Variants in EEF2K observed in about 807,000 individuals in gnomAD.
EEF2K encodes the protein eukaryotic elongation factor 2 kinase, also known as alternative protein EEF2K.
Under a neutral mutation model 93.8 loss-of-function variants are expected in EEF2K, and 70 were observed. The observed-to-expected ratio is 0.75, with a 90% CI of 0.62 to 0.91. The LOEUF (loss-of-function observed/expected upper bound fraction) is 0.91. EEF2K is among the 40% of genes least tolerant of loss of function. The pLI, the probability that EEF2K is intolerant of heterozygous loss-of-function variation, is 0.00. For missense variants in EEF2K, 935 were observed against 972.9 expected, an observed-to-expected ratio of 0.96 and a Z score of 0.52; for synonymous variants, 376 against 380.8, an observed-to-expected ratio of 0.99 and a Z score of 0.15.
intron 4 of EEF2K, among the ~76,000 whole-genome samples, chr16:22,249,521 T>C (rs1316464497): frequency 6.6e-6 from 1 of 152,104 alleles, no homozygotes; most frequent in Non-Finnish European, 1.5e-5. Flanking sequence ...ACTCCTCCCA[T>C]ACCCACAGGG....
intron 2 of EEF2K, among the ~76,000 whole-genome samples, chr16:22,233,760 C>T (rs1052569206): frequency 6.6e-6 from 1 of 152,120 alleles, no homozygotes; most frequent in South Asian, 2.1e-4. Context: ...ACATAGATCA[C>T]CTTATTTAAA....
At chr16:22,221,704 TTTAC>T (rs1404401336) in intron 1 of EEF2K, among the ~76,000 whole-genome samples, 2 of 152,180 alleles carry the variant, frequency 1.3e-5, no homozygotes, top group Non-Finnish European at 1.5e-5. Context: ...TTTAAACTAA[TTTAC>T]TTACTATTTT....
rs57073413 is a variant in EEF2K at position 22,247,037 on chromosome 16, C to CAAA, written c.348-1690_348-1688dup. ...TGGGTGACAGAGCGAGACTCCATCTCAAAAAAAAAAAAAAAAAAAAAAAAA... is the reference window on the plus strand; with the variant it reads ...TGGGTGACAGAGCGAGACTCCATCTCAAAAAAAAAAAAAAAAAAAAAAAAAAAA... On this transcript the variant is annotated intron_variant, in intron 3 of 17. Transcript: ENST00000263026. Among the ~76,000 whole-genome samples, 26 of 13,698 alleles carry CAAA rather than the reference C, an allele frequency of 1.9e-3. 1 individual carries two copies. Among genetic ancestry groups the CAAA allele is most frequent in the East Asian group, 7.3e-3 (4 of 550 alleles). The allele number at this position is 13,698 out of a possible 152,430, so 9.0% of individuals were successfully genotyped here.
chr16:22,242,834 G>A (rs1027372207), intron 2 of EEF2K, among the ~76,000 whole-genome samples: 8 of 152,098 alleles, frequency 5.3e-5, no homozygotes, highest in Admixed American at 3.9e-4. Context: ...TATGTTATGT[G>A]TAAAGGCGGC....
chr16:22,219,297 C>A (rs2046990117), intron 1 of EEF2K, among the ~76,000 whole-genome samples: 2 of 152,278 alleles, frequency 1.3e-5, no homozygotes, highest in Admixed American at 6.5e-5. Flanking sequence ...CCACAGTTTT[C>A]CCAGGTTGAC....
intron 2 of EEF2K, among the ~76,000 whole-genome samples, chr16:22,228,097 T>C (rs530594672): frequency 8.0e-6 from 1 of 125,750 alleles, no homozygotes; most frequent in South Asian, 2.7e-4. Context: ...CACTGCAACC[T>C]CCACCTCCCA....
chr16:22,267,250 G>A (rs1355163255), intron 15 of EEF2K, among the ~76,000 whole-genome samples: 1 of 152,172 alleles, frequency 6.6e-6, no homozygotes, highest in East Asian at 1.9e-4. Context: ...GCTGGGGCCT[G>A]GCACTGAGTA....
chr16:22,257,865 C>T (rs2047423003), intron 9 of EEF2K, 95 bp downstream of exon 9: 1 of 1,518,454 alleles, frequency 6.6e-7, no homozygotes, highest in East Asian at 2.3e-5. Context: ...CCAGGTCAAG[C>T]AGTGCTTAAC....
chr16:22,283,911 A>G lies in EEF2K; in HGVS notation c.2093A>G (p.Glu698Gly). The G allele has an allele frequency of 6.3e-7, 1 of 1,599,606 alleles. No individual in the cohort carries two copies. The highest frequency in any genetic ancestry group is 8.5e-7 in the Non-Finnish European group (1 of 1,173,318). Residue 698 changes from glutamate to glycine, a missense_variant, in exon 18 of 18, where the codon GAG (glutamate) becomes GGG (glycine). Physicochemically the swap from Glu to Gly is moderately conservative, Grantham distance 98. Coordinates refer to ENST00000263026, the MANE Select transcript of EEF2K (RefSeq NM_013302.5). The part of the protein sequence containing the change: ...RSGDLYTQAA[E>G]AAMEAMKGRL... The stretch of plus-strand genomic sequence containing the variant: ...GGGGACTTGTATACCCAGGCAGCAG[A>G]GGCAGCGATGGAAGCCATGAAGGGC...
chr16:22,266,802 C>G lies in EEF2K; in HGVS notation c.1690C>G (p.Leu564Val), dbSNP rs2047527661. 1 of 1,614,222 alleles carries G rather than the reference C, an allele frequency of 6.2e-7. No homozygotes were observed. Among genetic ancestry groups the G allele is most frequent in the Non-Finnish European group, 8.5e-7 (1 of 1,180,042 alleles). ...HLEHAANLGE[L>V]EAIVGLGLMY... ...GGAGCACGCAGCCAACCTGGGCGAG[C>G]TGGAGGCCATCGTGGGCCTGGGACT... The change falls in exon 15 of 18, where the codon CTG (leucine) becomes GTG (valine). Residue 564 changes from leucine (L) to valine (V), a missense_variant. By Grantham distance (32) the Leu-to-Val change is conservative. Coordinates refer to ENST00000263026, the MANE Select transcript of EEF2K (RefSeq NM_013302.5).
intron 2 of EEF2K, among the ~76,000 whole-genome samples, chr16:22,233,712 G>T (rs1443654101): frequency 2.0e-5 from 3 of 152,052 alleles, no homozygotes; most frequent in African/African-American, 7.2e-5. Flanking sequence ...ATATTTTCCT[G>T]ATCTGAGAAT....
At chr16:22,273,194 T>C (rs1325299566) in intron 15 of EEF2K, among the ~76,000 whole-genome samples, 2 of 152,214 alleles carry the variant, frequency 1.3e-5, no homozygotes, top group East Asian at 1.9e-4. Context: ...GGCAGTGTGC[T>C]GAGATTAGCA....
At chr16:22,225,241 G>A (rs1487538862) in intron 1 of EEF2K, among the ~76,000 whole-genome samples, 1 of 152,176 alleles carries the variant, frequency 6.6e-6, no homozygotes, top group East Asian at 1.9e-4. Flanking sequence ...GCCAGGGCCG[G>A]AGGAGAAGTG....
intron 16 of EEF2K, among the ~76,000 whole-genome samples, chr16:22,279,443 TAGTA>T (rs138137116): frequency 0.021 from 3,239 of 152,058 alleles, 47 homozygotes; most frequent in Non-Finnish European, 0.034. Flanking sequence ...TGTGGGTACA[TAGTA>T]AGTGTGTATA....
chr16:22,247,155 T>C (rs2047303482), intron 3 of EEF2K, among the ~76,000 whole-genome samples: 1 of 145,006 alleles, frequency 6.9e-6, no homozygotes, highest in African/African-American at 2.5e-5. Context: ...AAAATATTAC[T>C]CTAGGCCAGG....
Position 22,263,092 on chromosome 16 carries a change from G to C in EEF2K, c.1300-18G>C, listed in dbSNP as rs199764726. The C allele has an allele frequency of 7.0e-5, 112 of 1,608,926 alleles. No individual in the cohort carries two copies. Among genetic ancestry groups the C allele is most frequent in the Non-Finnish European group, 9.3e-5 (109 of 1,177,610 alleles). ...CTCAGGGGACCACCAGGACCCTAAG[G>C]CCGTCTTCTCTCCACAGGAGTCTGA... On this transcript the variant is annotated intron_variant, in intron 11 of 17. Transcript: ENST00000263026.
intron 6 of EEF2K, among the ~76,000 whole-genome samples, chr16:22,255,878 C>T (rs181687248): frequency 6.6e-6 from 1 of 151,826 alleles, no homozygotes; most frequent in East Asian, 2.0e-4. Flanking sequence ...ACACTGCACT[C>T]CAGCCTGGGC....
intron 3 of EEF2K, 43 bp downstream of exon 3, chr16:22,244,773 A>C: frequency 6.2e-7 from 1 of 1,600,818 alleles, no homozygotes; most frequent in African/African-American, 1.3e-5. Flanking sequence ...TGGGGGCTAT[A>C]CGTCCAGCTT....
chr16:22,267,363 C>T (rs572033035), intron 15 of EEF2K, among the ~76,000 whole-genome samples: 52 of 152,078 alleles, frequency 3.4e-4, no homozygotes, highest in African/African-American at 1.2e-3. Context: ...GAGGTTGAGG[C>T]GGGTGGATCA....
Sources: gnomAD v4.1 joint callset for allele counts (sites outside exome capture counted in the v4.1 genomes callset) on GRCh38, gnomAD v4.1.1 for gene constraint, MANE v1.5 for transcripts, NCBI Gene and HGNC (gene_info 2026-07-23, HGNC 2026-07-21) for gene names.